The following STAP2 variants were observed in gnomAD, a reference collection of about 807,000 sequenced individuals.
The protein encoded by STAP2 is signal-transducing adaptor protein 2.
A neutral mutation model predicts 52.7 loss-of-function variants in STAP2; 58 were observed. The observed-to-expected ratio is 1.10, with a 90% CI of 0.89 to 1.37. The LOEUF (loss-of-function observed/expected upper bound fraction) is 1.37, where lower values mean the gene tolerates loss of function less well. Ranked by LOEUF, STAP2 falls within the 40% of genes most tolerant of loss-of-function variation. The probability of loss-of-function intolerance (pLI) is 0.00; values close to 1 mark genes in which losing one functional copy is unlikely to be tolerated. For missense variants in STAP2, 522 were observed against 519.4 expected (o/e 1.00, Z -0.05); for synonymous variants, 231 against 210.5 (o/e 1.10, Z -0.84).
intron 1 of STAP2, among the ~76,000 whole-genome samples, chr19:4,335,464 A>G (rs1971967509): frequency 1.3e-5 from 2 of 150,034 alleles, no homozygotes; most frequent in Non-Finnish European, 3.0e-5. Context: ...TTGTATATGC[A>G]CTCATCCATC....
At chr19:4,334,142 C>G in intron 1 of STAP2, 98 bp from the exon 2 acceptor site, 1 of 969,650 alleles carries the variant, frequency 1.0e-6, no homozygotes, top group Non-Finnish European at 1.5e-6. Flanking sequence ...TGGTTGTGCT[C>G]TCTGCCCCAC....
Position 4,336,158 on chromosome 19 carries a change from C to G in STAP2, c.103-2114G>C, listed in dbSNP as rs547541617. Reference sequence around the variant, plus strand: ...TCTCAAGTAGCTGGGATTACAAGTGCGCACCACCACATCCAGCTAATTTTT... The same window carrying G: ...TCTCAAGTAGCTGGGATTACAAGTGGGCACCACCACATCCAGCTAATTTTT... On this transcript the variant is annotated intron_variant, in intron 1 of 12. Transcript: ENST00000594605. Among the ~76,000 whole-genome samples the G allele has an allele frequency of 7.8e-4, 119 of 151,932 alleles. 1 individual carries two copies. Among genetic ancestry groups the G allele is most frequent in the Middle Eastern group, 3.4e-3 (1 of 294 alleles).
Position 4,329,942 on chromosome 19 carries a change from G to A in STAP2, c.455+19C>T, listed in dbSNP as rs368223160. 3.1e-6 allele frequency: 5 copies of A among 1,605,160 alleles called. No individual in the cohort carries two copies. The highest frequency in any genetic ancestry group is 2.2e-5 in the South Asian group (2 of 90,836). ...CCCGTCCCCATCCTGCAGCCCCTCG[G>A]GACAGGCGGGACACTCACGAGGGTG... is the stretch of plus-strand genomic sequence containing the variant. On this transcript the variant is annotated intron_variant, in intron 5 of 12. Coordinates refer to ENST00000594605, the MANE Select transcript of STAP2 (RefSeq NM_001013841.2).
rs1971808828 is a variant in STAP2, at chr19:4,327,242, G to A, written c.661-16C>T. ...TGCAAGAGAACTGGGGGCAGATGGGGGAGCGGTCAGGCTGCTGGAGAAGGG... is the reference window on the plus strand; with the variant it reads ...TGCAAGAGAACTGGGGGCAGATGGGAGAGCGGTCAGGCTGCTGGAGAAGGG... On this transcript the variant is annotated splice_polypyrimidine_tract_variant and intron_variant, in intron 7 of 12. Coordinates refer to ENST00000594605, the MANE Select transcript of STAP2 (RefSeq NM_001013841.2). The A allele has an allele frequency of 6.2e-7, 1 of 1,613,898 alleles. No individual in the cohort carries two copies. The highest frequency in any genetic ancestry group is 8.5e-7 in the Non-Finnish European group (1 of 1,179,994).
At chr19:4,329,678 G>A (rs1971856256) in intron 5 of STAP2, among the ~76,000 whole-genome samples, 1 of 151,912 alleles carries the variant, frequency 6.6e-6, no homozygotes, top group South Asian at 2.1e-4. Flanking sequence ...TAGACACCTA[G>A]ACTGACCACC....
chr19:4,338,790 AG>A lies in STAP2; in HGVS notation c.-38del. 2 of 1,589,130 alleles carry A rather than the reference AG, an allele frequency of 1.3e-6. No individual in the cohort carries two copies. The highest frequency in any genetic ancestry group is 1.7e-6 in the Non-Finnish European group (2 of 1,164,146). Reference sequence around the variant, plus strand: ...GGTCTTCCGCCTGGCCTCTCCTTCCAGTGGGTGCCCCAGCTGGGCCGGGAAG... The same window carrying A: ...GGTCTTCCGCCTGGCCTCTCCTTCCATGGGTGCCCCAGCTGGGCCGGGAAG... On this transcript the variant is annotated 5_prime_UTR_variant, in exon 1 of 13. The change creates a new upstream start codon in the 5' untranslated region. Coordinates refer to ENST00000594605, the MANE Select transcript of STAP2 (RefSeq NM_001013841.2).
chr19:4,338,548 A>AAC, intron 1 of STAP2, 104 bp downstream of exon 1: 1 of 527,402 alleles, frequency 1.9e-6, no homozygotes, highest in East Asian at 5.4e-5. Context: ...CCCATCCAGC[A>AAC]CCCACCCCGC....
At chr19:4,327,765 G>A (rs1971818624) in intron 6 of STAP2, among the ~76,000 whole-genome samples, 1 of 149,710 alleles carries the variant, frequency 6.7e-6, no homozygotes, top group South Asian at 2.1e-4. Flanking sequence ...TAAAGACCCC[G>A]CCCCAGGTAG....
At chr19:4,338,049 G>A (rs1972006776) in intron 1 of STAP2, among the ~76,000 whole-genome samples, 1 of 152,070 alleles carries the variant, frequency 6.6e-6, no homozygotes, top group African/African-American at 2.4e-5. Context: ...ATGAATATGC[G>A]GCATTGGGAA....
chr19:4,327,424 C>T (rs573688112), intron 6 of STAP2, 39 bp from the exon 7 acceptor site: 3 of 1,610,422 alleles, frequency 1.9e-6, no homozygotes, highest in African/African-American at 1.3e-5. Context: ...TCAGCCCAGG[C>T]TCCCACACCG....
At position 4,325,383 on chromosome 19, in the gene STAP2, G is replaced by C. The variant is rs745352866; in HGVS notation, c.979+13C>G. 3.1e-6 allele frequency: 5 copies of C among 1,614,050 alleles called. No homozygotes were observed. In the South Asian group the frequency reaches 5.5e-5, roughly 18 times the overall value. ...CCAACCCCCAGCTCTCAGCAGCTCTGTTCCCCACCCACCATCTTGGTTCTC... is the reference window on the plus strand; with the variant it reads ...CCAACCCCCAGCTCTCAGCAGCTCTCTTCCCCACCCACCATCTTGGTTCTC... On this transcript the variant is annotated intron_variant, in intron 10 of 12. Transcript: ENST00000594605.
chr19:4,325,975 A>T (rs1971787102), intron 9 of STAP2, among the ~76,000 whole-genome samples: 1 of 152,156 alleles, frequency 6.6e-6, no homozygotes, highest in Non-Finnish European at 1.5e-5. Flanking sequence ...TCTCAAAAAA[A>T]AAAAAAAGTC....
At chr19:4,336,789 A>G (rs1223201522) in intron 1 of STAP2, among the ~76,000 whole-genome samples, 4 of 151,328 alleles carry the variant, frequency 2.6e-5, no homozygotes, top group African/African-American at 9.7e-5. Context: ...GCCTGGCACC[A>G]TACCCAGCTA....
chr19:4,337,909 A>G (rs1487574892), intron 1 of STAP2, among the ~76,000 whole-genome samples: 1 of 152,026 alleles, frequency 6.6e-6, no homozygotes, highest in African/African-American at 2.4e-5. Flanking sequence ...GGTCCCAGCT[A>G]CTCAGGAGGC....
intron 11 of STAP2, chr19:4,324,992 A>G (rs1256211289): frequency 7.6e-6 from 4 of 523,566 alleles, no homozygotes; most frequent in Non-Finnish European, 1.4e-5. Flanking sequence ...AAAAAAAATT[A>G]GCTGGGCATG....
Position 4,334,819 on chromosome 19 carries a change from A to ATT in STAP2, c.103-776_103-775insAA, listed in dbSNP as rs1568388586. 3.1e-4 allele frequency among the ~76,000 whole-genome samples: 33 copies of ATT among 105,956 alleles called. 2 individuals carry two copies. Among genetic ancestry groups the ATT allele is most frequent in the East Asian group, 8.7e-4 (3 of 3,456 alleles). The allele number at this position is 105,956 out of a possible 152,430, so 69.5% of individuals were successfully genotyped here. ...CCATCCATCCCTCCATCATCCATCC[A>ATT]CTCATCCATCCACCCACTCATCCAT... On this transcript the variant is annotated intron_variant, in intron 1 of 12. Transcript: ENST00000594605.
At position 4,328,702 on chromosome 19, in the gene STAP2, G is replaced by C. The variant is rs200620209; in HGVS notation, c.563C>G (p.Ser188Trp). 25 of 1,473,204 alleles carry C rather than the reference G, an allele frequency of 1.7e-5. No homozygotes were observed. Among genetic ancestry groups the C allele is most frequent in the Admixed American group, 1.1e-4 (6 of 54,738 alleles). The allele number at this position is 1,473,204 out of a possible 1,614,324, so 91.3% of individuals were successfully genotyped here. A position where few individuals can be genotyped will look rare whatever the true frequency, so the allele number is the denominator to read the frequency against. ...RPSGDGADGVSVTTRQMHNGT... is the reference protein window; with the variant it reads ...RPSGDGADGVWVTTRQMHNGT... ...GTTGTGCATCTGCCGCGTGGTGACC[G>C]ACACGCCGTCGGCGCCGTCCCCGCT... The change falls in exon 6 of 13, where the codon TCG (serine) becomes TGG (tryptophan). Residue 188 changes from serine to tryptophan, a missense_variant. Ser to Trp is a radical substitution (Grantham distance 177). Transcript: ENST00000594605.
In STAP2 at chr19:4,325,468, G is replaced by A; in HGVS notation, c.907C>T (p.Leu303=). ...ACGTAGTTCTCTTCCTGGTTCGGTA[G>A]TGGGGGCAGTGGGGGCAGCTTGTCC... ...SQDKLPPLPP[L]PNQEENYVTP... The change falls in exon 10 of 13, where the codon CTA becomes TTA. Residue 303 remains leucine, a synonymous_variant. Coordinates refer to ENST00000594605, the MANE Select transcript of STAP2 (RefSeq NM_001013841.2). 1 of 1,612,580 alleles carries A rather than the reference G, an allele frequency of 6.2e-7. No homozygotes were observed. The highest frequency in any genetic ancestry group is 8.5e-7 in the Non-Finnish European group (1 of 1,178,806).
At chr19:4,331,997 G>A in intron 4 of STAP2, 25 bp downstream of exon 4, 1 of 1,603,250 alleles carries the variant, frequency 6.2e-7, no homozygotes, top group Non-Finnish European at 8.5e-7. Flanking sequence ...ATGGGAGAGA[G>A]GGCGCAGAGA....
Sources: allele counts gnomAD v4.1 joint callset (sites outside exome capture counted in the v4.1 genomes callset), GRCh38; gene constraint gnomAD v4.1.1; transcripts MANE v1.5; gene names NCBI Gene and HGNC (gene_info 2026-07-23, HGNC 2026-07-21).